The following MYPN variants were observed in gnomAD, a reference collection of about 807,000 sequenced individuals.
The protein encoded by MYPN is myopalladin.
Under a neutral mutation model 129.4 loss-of-function variants are expected in MYPN, and 63 were observed. The observed-to-expected ratio is 0.49, with a 90% confidence interval of 0.40 to 0.60. The LOEUF (loss-of-function observed/expected upper bound fraction) is 0.60. Among genes scored for constraint, MYPN ranks in the 20% least tolerant of loss-of-function variants. The pLI is 0.00. For missense variants in MYPN, 1,596 were observed against 1,635.4 expected (o/e 0.98, Z 0.42); for synonymous variants, 629 against 600.9 (o/e 1.05, Z -0.68).
In MYPN at chr10:68,211,193, TC is replaced by T. The variant is rs1361305546; in HGVS notation, c.*741del. On this transcript the variant is annotated 3_prime_UTR_variant, in exon 20 of 20. Coordinates refer to ENST00000358913, the MANE Select transcript of MYPN (RefSeq NM_032578.4). ...GACTGTTTTTTTCTGACTTTGCATA[TC>T]CCTAGACACTAGAACTAAAGGATTG... is the stretch of plus-strand genomic sequence containing the variant. 1 of 454,042 alleles carries T rather than the reference TC, an allele frequency of 2.2e-6. No individual in the cohort carries two copies. Among genetic ancestry groups the T allele is most frequent in the East Asian group, 6.9e-5 (1 of 14,392 alleles). 28.1% of individuals were successfully genotyped at this position (454,042 alleles called of 1,614,324 possible). A position where few individuals can be genotyped will look rare whatever the true frequency, so the allele number is the denominator to read the frequency against.
rs754754810 is a variant in MYPN at position 68,121,517 on chromosome 10, C to T, written c.79C>T (p.Arg27Trp). The change falls in exon 2 of 20, where the codon CGG (arginine) becomes TGG (tryptophan). Residue 27 changes from arginine (R) to tryptophan (W), a missense_variant. Arg to Trp is a moderately radical substitution (Grantham distance 101, BLOSUM62 -3). Transcript: ENST00000358913. ...GAGCTATTTAGCTGAAACCAGACAT[C>T]GGGGAAACAATGAGAGGAGTCGAGC... ...RESYLAETRH[R>W]GNNERSRAEP... 6 of 1,614,166 alleles carry T rather than the reference C, an allele frequency of 3.7e-6. No homozygotes were observed. The highest frequency in any genetic ancestry group is 5.1e-6 in the Non-Finnish European group (6 of 1,180,020).
At chr10:68,108,600 T>C (rs2042040582), upstream of MYPN, among the ~76,000 whole-genome samples, 1 of 152,206 alleles carries the variant, frequency 6.6e-6, no homozygotes, top group Non-Finnish European at 1.5e-5. Flanking sequence ...ATAATAACCA[T>C]CATTTAAGTC....
At chr10:68,179,478 A>G (rs901894749) in intron 12 of MYPN, among the ~76,000 whole-genome samples, 9 of 152,138 alleles carry the variant, frequency 5.9e-5, no homozygotes, top group Non-Finnish European at 1.5e-5. Flanking sequence ...TCAACCCACG[A>G]CTATGGGATT....
At chr10:68,141,454 A>G (rs117831817) in intron 2 of MYPN, among the ~76,000 whole-genome samples, 15 of 152,212 alleles carry the variant, frequency 9.9e-5, no homozygotes, top group Non-Finnish European at 1.9e-4. Flanking sequence ...AAATTACAGT[A>G]AAGATTAGCA....
intron 3 of MYPN, among the ~76,000 whole-genome samples, chr10:68,143,570 G>C (rs1397662605): frequency 6.6e-6 from 1 of 152,110 alleles, no homozygotes; most frequent in African/African-American, 2.4e-5. Flanking sequence ...GAGCAAGAAA[G>C]TAACAGAAGA....
intron 3 of MYPN, among the ~76,000 whole-genome samples, chr10:68,143,747 G>T (rs550287774): frequency 1.5e-4 from 22 of 151,036 alleles, no homozygotes; most frequent in African/African-American, 5.4e-4. Flanking sequence ...TTTGTTTTTT[G>T]TTTTGTTTTG....
Position 68,121,613 on chromosome 10 carries a change from G to A in MYPN, c.175G>A (p.Asp59Asn). ...GAAEGGGGQDDLPDLSAFLSQ... is the reference protein window; with the variant it reads ...GAAEGGGGQDNLPDLSAFLSQ... ...CGCTGAAGGAGGCGGAGGCCAAGAT[G>A]ACCTTCCAGATCTTTCAGCCTTTCT... Residue 59 changes from aspartate to asparagine, a missense_variant, in exon 2 of 20, where the codon GAC becomes AAC. Coordinates refer to ENST00000358913, the MANE Select transcript of MYPN (RefSeq NM_032578.4). 1 of 1,614,216 alleles carries A rather than the reference G, an allele frequency of 6.2e-7. No individual in the cohort carries two copies.
At chr10:68,100,243 T>C (rs2041975739) in intron 1 of MYPN, among the ~76,000 whole-genome samples, 1 of 152,194 alleles carries the variant, frequency 6.6e-6, no homozygotes, top group South Asian at 2.1e-4. Flanking sequence ...GCTTGGTTAA[T>C]GTGGATGCTG....
At chr10:68,097,886 G>A (rs942888343) in intron 1 of MYPN, among the ~76,000 whole-genome samples, 3 of 152,104 alleles carry the variant, frequency 2.0e-5, no homozygotes, top group Non-Finnish European at 4.4e-5. Context: ...GTTTTCAAAA[G>A]AGGTGATGTC....
chr10:68,178,453 G>A (rs1345966587), intron 12 of MYPN, among the ~76,000 whole-genome samples: 3 of 152,028 alleles, frequency 2.0e-5, no homozygotes, highest in South Asian at 4.2e-4. Context: ...GGTGGCTCAG[G>A]CTTGTAATCC....
At chr10:68,209,207 G>T (rs1433989649) in intron 19 of MYPN, among the ~76,000 whole-genome samples, 3 of 152,204 alleles carry the variant, frequency 2.0e-5, no homozygotes, top group African/African-American at 7.2e-5. Context: ...AGATTGCCCA[G>T]TAATTTCTGA....
At chr10:68,104,728 A>G (rs1401910067), upstream of MYPN, among the ~76,000 whole-genome samples, 1 of 152,170 alleles carries the variant, frequency 6.6e-6, no homozygotes, top group Admixed American at 6.5e-5. Context: ...CTTAAACCCT[A>G]TATAGTGTTC....
intron 15 of MYPN, among the ~76,000 whole-genome samples, chr10:68,197,019 A>T (rs1363561220): frequency 6.6e-6 from 1 of 152,110 alleles, no homozygotes; most frequent in Non-Finnish European, 1.5e-5. Context: ...TTGAATACTG[A>T]TCTATTTGTT....
At chr10:68,117,061 T>TA (rs1412268513) in intron 1 of MYPN, among the ~76,000 whole-genome samples, 2 of 151,710 alleles carry the variant, frequency 1.3e-5, no homozygotes, top group Non-Finnish European at 2.9e-5. Flanking sequence ...CTGTCTCTAC[T>TA]AAAAATACAA....
rs1473380971 is a variant in MYPN at position 68,122,144 on chromosome 10, C to T, written c.706C>T (p.Arg236Cys). 14 of 1,613,166 alleles carry T rather than the reference C, an allele frequency of 8.7e-6. No individual in the cohort carries two copies. Among genetic ancestry groups the T allele is most frequent in the Non-Finnish European group, 1.2e-5 (14 of 1,179,368 alleles). ...HALEQQEAKR[R>C]EAEQAASEAA... ...CCTGGAACAGCAGGAAGCCAAGAGG[C>T]GTGAAGCGGAGCAGGCTGCCAGTGA... The change falls in exon 2 of 20, where the codon CGT becomes TGT. Residue 236 changes from arginine to cysteine, a missense_variant. Transcript: ENST00000358913.
intron 13 of MYPN, among the ~76,000 whole-genome samples, chr10:68,192,296 A>G (rs2043527187): frequency 6.6e-6 from 1 of 152,184 alleles, no homozygotes; most frequent in African/African-American, 2.4e-5. Flanking sequence ...GGGATGTGTC[A>G]TGTGTATTGA....
At chr10:68,209,978 C>A (rs144590068) in intron 19 of MYPN, among the ~76,000 whole-genome samples, 84 of 152,260 alleles carry the variant, frequency 5.5e-4, no homozygotes, top group African/African-American at 1.9e-3. Flanking sequence ...CAGGCATAAG[C>A]CACCGTGCCT....
At chr10:68,091,252 G>A (rs887920705) in intron 1 of MYPN, among the ~76,000 whole-genome samples, 1 of 151,924 alleles carries the variant, frequency 6.6e-6, no homozygotes, top group African/African-American at 2.4e-5. Context: ...GGGCTCTCTC[G>A]GGTGGACAGT....
chr10:68,134,743 C>T (rs1360059461), intron 2 of MYPN, among the ~76,000 whole-genome samples: 1 of 151,838 alleles, frequency 6.6e-6, no homozygotes, highest in Non-Finnish European at 1.5e-5. Flanking sequence ...TGCAGTGAGC[C>T]GAAATCGCAC....
Sources: gnomAD v4.1 joint callset for allele counts (sites outside exome capture counted in the v4.1 genomes callset) on GRCh38, gnomAD v4.1.1 for gene constraint, MANE v1.5 for transcripts, NCBI Gene and HGNC (gene_info 2026-07-23, HGNC 2026-07-21) for gene names.